The following NOD1 variants were observed in gnomAD, a reference collection of about 807,000 sequenced individuals.
NOD1 encodes the protein nucleotide binding oligomerization domain containing 1, also known as nucleotide-binding oligomerization domain-containing protein 1.
In NOD1, 70 loss-of-function variants were observed where a neutral mutation model predicts 81.2. That is an observed-to-expected ratio of 0.86 (90% CI 0.71 to 1.05). The LOEUF is 1.05. NOD1 is among the 50% of genes least tolerant of loss of function. The pLI, the probability that NOD1 is intolerant of heterozygous loss-of-function variation, is 0.00. For synonymous variants in NOD1, 508 were observed against 526.9 expected (o/e 0.96, Z 0.49); for missense variants, 1,233 against 1,228.0 (o/e 1.00, Z -0.06).
Position 30,456,036 on chromosome 7 carries a change from C to T in NOD1, c.201+685G>A, listed in dbSNP as rs558167679. 5.9e-5 allele frequency among the ~76,000 whole-genome samples: 9 copies of T among 152,302 alleles called. No individual in the cohort carries two copies. In the South Asian group the frequency reaches 1.2e-3, roughly 21 times the overall value. On this transcript the variant is annotated intron_variant, in intron 4 of 13. Coordinates refer to ENST00000222823, the MANE Select transcript of NOD1 (RefSeq NM_006092.4). ...AGGGCGATAGGCCATATATTAAAAA[C>T]GGCTTTTTTTCTTGTTAAAAATGTG...
chr7:30,475,515 T>C (rs1243784427), intron 1 of NOD1, among the ~76,000 whole-genome samples: 1 of 152,170 alleles, frequency 6.6e-6, no homozygotes, highest in Non-Finnish European at 1.5e-5. Flanking sequence ...TTCCATGCAG[T>C]ATAATACAAA....
At chr7:30,476,183 T>C (rs1460528151) in intron 1 of NOD1, among the ~76,000 whole-genome samples, 1 of 152,234 alleles carries the variant, frequency 6.6e-6, no homozygotes, top group Non-Finnish European at 1.5e-5. Context: ...TCTTAGATTT[T>C]GAACAAATAT....
At chr7:30,437,798 A>C in intron 9 of NOD1, 142 bp from the exon 10 acceptor site, 1 of 585,914 alleles carries the variant, frequency 1.7e-6, no homozygotes, top group Non-Finnish European at 2.9e-6. Context: ...TGGCCTGGAC[A>C]CTAATTCCTC....
At chr7:30,477,669 C>A (rs1037390219) in intron 1 of NOD1, among the ~76,000 whole-genome samples, 10 of 149,604 alleles carry the variant, frequency 6.7e-5, no homozygotes, top group African/African-American at 2.3e-4. Flanking sequence ...CATGCGCCAC[C>A]ACGCCCGGTT....
intron 4 of NOD1, among the ~76,000 whole-genome samples, chr7:30,456,265 G>A (rs898116529): frequency 6.6e-6 from 1 of 152,136 alleles, no homozygotes; most frequent in African/African-American, 2.4e-5. Flanking sequence ...CTGTTAAGGC[G>A]TCCCACAGTG....
intron 6 of NOD1, among the ~76,000 whole-genome samples, chr7:30,450,319 G>A (rs939000145): frequency 4.6e-5 from 7 of 152,118 alleles, no homozygotes; most frequent in African/African-American, 1.7e-4. Context: ...CCAGGCTAGG[G>A]CAGCCTTCGA....
At chr7:30,459,668 G>A (rs1004508763) in intron 2 of NOD1, among the ~76,000 whole-genome samples, 3 of 152,134 alleles carry the variant, frequency 2.0e-5, no homozygotes, top group African/African-American at 4.8e-5. Flanking sequence ...GTTTTCTCTC[G>A]GAAGCATTTG....
chr7:30,432,345 A>C (rs1784022486), intron 12 of NOD1, among the ~76,000 whole-genome samples: 1 of 152,206 alleles, frequency 6.6e-6, no homozygotes, highest in South Asian at 2.1e-4. Flanking sequence ...GCACATAAAA[A>C]GACATTCAAC....
In NOD1 at chr7:30,437,651, C is replaced by A; in HGVS notation, c.2459G>T (p.Trp820Leu). Residue 820 changes from tryptophan to leucine, a missense_variant, in exon 10 of 14, where the codon TGG becomes TTG. Physicochemically the swap from Trp to Leu is moderately conservative, Grantham distance 61. Transcript: ENST00000222823. ...NSKSISEVGM[W>L]GNQVGDEGAK... ...TCCTTCATCCCCAACTTGATTGCCC[C>A]ACATCCTGAGGGAGGAGACAAGATA... is the stretch of plus-strand genomic sequence containing the variant. 6 of 1,515,384 alleles carry A rather than the reference C, an allele frequency of 4.0e-6. No homozygotes were observed. The highest frequency in any genetic ancestry group is 5.3e-6 in the Non-Finnish European group (6 of 1,142,532). 93.9% of individuals were successfully genotyped at this position (1,515,384 alleles called of 1,614,324 possible).
At chr7:30,428,785 A>G (rs1253474494) in intron 13 of NOD1, among the ~76,000 whole-genome samples, 1 of 152,154 alleles carries the variant, frequency 6.6e-6, no homozygotes, top group African/African-American at 2.4e-5. Flanking sequence ...TTAAGTTGTT[A>G]AGGGAGCTGC....
At chr7:30,429,532 G>A (rs1470654029) in intron 12 of NOD1, 75 bp from the exon 13 acceptor site, 1 of 1,293,482 alleles carries the variant, frequency 7.7e-7, no homozygotes, top group African/African-American at 1.5e-5. Flanking sequence ...GGAGTTGCAA[G>A]GGTGTTTTGG....
chr7:30,462,493 T>C (rs1188252831), intron 1 of NOD1, among the ~76,000 whole-genome samples: 1 of 150,972 alleles, frequency 6.6e-6, no homozygotes, highest in Non-Finnish European at 1.5e-5. Flanking sequence ...TATAATAGAA[T>C]AACTTGTAGC....
At chr7:30,460,739 G>A in intron 1 of NOD1, 1 of 936,426 alleles carries the variant, frequency 1.1e-6, no homozygotes, top group Non-Finnish European at 1.3e-6. Context: ...GGGAGCTGGG[G>A]GTTGCACAGG....
Position 30,452,983 on chromosome 7 carries a change from A to G in NOD1, c.434T>C (p.Leu145Pro), listed in dbSNP as rs140176390. The change falls in exon 6 of 14, where the codon CTG (leucine) becomes CCG (proline). Residue 145 changes from leucine (L) to proline (P), a missense_variant. By Grantham distance (98) the Leu-to-Pro change is moderately conservative (BLOSUM62 -3). Transcript: ENST00000222823. The part of the protein sequence containing the change: ...HHLGRDSKFV[L>P]CYAQKEELLL... ...CAGCTCCTCCTTCTGGGCATAGCAC[A>G]GCACGAACTTGGAGTCACGGCCCAG... 466 of 1,613,934 alleles carry G rather than the reference A, an allele frequency of 2.9e-4. No individual in the cohort carries two copies. The highest frequency in any genetic ancestry group is 3.5e-4 in the Non-Finnish European group (412 of 1,180,008).
At chr7:30,429,275 G>T in intron 13 of NOD1, 99 bp downstream of exon 13, 1 of 979,458 alleles carries the variant, frequency 1.0e-6, no homozygotes, top group Non-Finnish European at 1.7e-6. Flanking sequence ...GGTTGCTGGA[G>T]GAATAAACAG....
intron 9 of NOD1, among the ~76,000 whole-genome samples, chr7:30,445,641 C>A (rs1433247027): frequency 1.3e-5 from 2 of 151,488 alleles, no homozygotes; most frequent in African/African-American, 4.9e-5. Context: ...TGCCTATAAT[C>A]CCAGCTACTC....
At chr7:30,446,020 C>T in intron 9 of NOD1, 121 bp downstream of exon 9, 1 of 772,118 alleles carries the variant, frequency 1.3e-6, no homozygotes, top group Non-Finnish European at 2.3e-6. Context: ...TCTCCACTAT[C>T]TCTCCCCGAC....
In NOD1 at chr7:30,446,856, CAAGTGG is replaced by C. The variant is rs1471862307; in HGVS notation, c.2369+105_2369+110del. The C allele has an allele frequency of 2.4e-5, 21 of 863,730 alleles. No homozygotes were observed. The South Asian group carries it at 3.6e-4, about 15-fold the overall frequency. The allele number at this position is 863,730 out of a possible 1,614,324, so 53.5% of individuals were successfully genotyped here. ...TTACTTGACCAACATGGCCCTGGGA[CAAGTGG>C]AAGGCTTTAGGATGAAAGCTCTTTA... is the stretch of plus-strand genomic sequence containing the variant. On this transcript the variant is annotated intron_variant, in intron 8 of 13. Coordinates refer to ENST00000222823, the MANE Select transcript of NOD1 (RefSeq NM_006092.4).
intron 1 of NOD1, among the ~76,000 whole-genome samples, chr7:30,469,539 G>A (rs554685450): frequency 1.3e-5 from 2 of 152,328 alleles, no homozygotes; most frequent in South Asian, 4.1e-4. Flanking sequence ...AGCATTCGGG[G>A]TGGGACCACA....
Sources: gnomAD v4.1 joint callset for allele counts (sites outside exome capture counted in the v4.1 genomes callset) on GRCh38, gnomAD v4.1.1 for gene constraint, MANE v1.5 for transcripts, NCBI Gene and HGNC (gene_info 2026-07-23, HGNC 2026-07-21) for gene names.